HDAC9: variants seen among roughly 807,000 people sequenced by gnomAD.
HDAC9 encodes the protein histone deacetylase 9.
In HDAC9, 41 loss-of-function variants were observed where a neutral mutation model predicts 139.4. That is an observed-to-expected ratio of 0.29 (90% CI 0.23 to 0.38). The LOEUF (loss-of-function observed/expected upper bound fraction) is 0.38. HDAC9 is among the 10% of genes least tolerant of loss of function. The pLI, the probability that HDAC9 is intolerant of heterozygous loss-of-function variation, is 1.00. For synonymous variants in HDAC9, 517 were observed against 476.2 expected, an observed-to-expected ratio of 1.09 and a Z score of -1.12; for missense variants, 1,147 against 1,297.0, an observed-to-expected ratio of 0.88 and a Z score of 1.78.
intron 22 of HDAC9, among the ~76,000 whole-genome samples, chr7:18,883,322 A>G (rs1799871983): frequency 6.6e-6 from 1 of 152,162 alleles, no homozygotes; most frequent in Non-Finnish European, 1.5e-5. Context: ...TCAAAAACAC[A>G]TTAAAAGGTT....
chr7:18,745,922 C>T (rs1368864889), intron 13 of HDAC9, among the ~76,000 whole-genome samples: 1 of 126,194 alleles, frequency 7.9e-6, no homozygotes, highest in East Asian at 2.7e-4. Context: ...TGCAAGTTCT[C>T]ACCCTGTGGC....
chr7:18,308,985 A>G (rs183074110), intron 1 of HDAC9, among the ~76,000 whole-genome samples: 23 of 152,300 alleles, frequency 1.5e-4, no homozygotes, highest in Non-Finnish European at 2.6e-4. Context: ...TGAGAGGAGA[A>G]TTCGTGTCAA....
intron 24 of HDAC9, among the ~76,000 whole-genome samples, chr7:18,973,044 A>G (rs1242201659): frequency 6.6e-6 from 1 of 152,224 alleles, no homozygotes; most frequent in African/African-American, 2.4e-5. Flanking sequence ...GTGCAGAGGA[A>G]GAGGCAATTT....
intron 23 of HDAC9, chr7:18,949,165 A>G (rs1782611543): frequency 3.9e-6 from 1 of 258,986 alleles, no homozygotes; most frequent in Non-Finnish European, 7.5e-6. Flanking sequence ...GTCTGGTTTG[A>G]TTTTTGTGCA....
intron 21 of HDAC9, among the ~76,000 whole-genome samples, chr7:18,850,548 G>A (rs1797211108): frequency 6.6e-6 from 1 of 152,154 alleles, no homozygotes; most frequent in Non-Finnish European, 1.5e-5. Flanking sequence ...TGCATCTATT[G>A]TCATATTGTA....
intron 2 of HDAC9, among the ~76,000 whole-genome samples, chr7:18,278,167 C>G (rs927781636): frequency 6.6e-6 from 1 of 152,174 alleles, no homozygotes; most frequent in African/African-American, 2.4e-5. Flanking sequence ...CATTTAGAAG[C>G]CACATATCAC....
chr7:18,372,404 G>T (rs777038331), intron 1 of HDAC9, among the ~76,000 whole-genome samples: 3 of 152,190 alleles, frequency 2.0e-5, no homozygotes, highest in Admixed American at 6.5e-5. Flanking sequence ...GGCAGGAAGA[G>T]GGTTGAACCA....
intron 1 of HDAC9, among the ~76,000 whole-genome samples, chr7:18,088,613 A>G (rs1039045110): frequency 6.6e-6 from 1 of 152,258 alleles, no homozygotes; most frequent in Non-Finnish European, 1.5e-5. Flanking sequence ...GAAATCAGCA[A>G]TCATGTTTAA....
chr7:18,843,659 G>T (rs1796726653), intron 21 of HDAC9, among the ~76,000 whole-genome samples: 1 of 146,046 alleles, frequency 6.8e-6, no homozygotes, highest in African/African-American at 2.8e-5. Flanking sequence ...GTCATAGAGT[G>T]AATTTTTTTT....
intron 12 of HDAC9, among the ~76,000 whole-genome samples, chr7:18,675,360 C>A (rs1188931246): frequency 6.6e-6 from 1 of 151,942 alleles, no homozygotes; most frequent in Non-Finnish European, 1.5e-5. Flanking sequence ...AGTAAATTAC[C>A]GAATTCTGCC....
intron 2 of HDAC9, among the ~76,000 whole-genome samples, chr7:18,582,712 G>C (rs1405616): frequency 1.3e-5 from 2 of 152,124 alleles, no homozygotes; most frequent in South Asian, 4.1e-4. Context: ...TAAATAATAC[G>C]ACATTGAACT....
intron 6 of HDAC9, among the ~76,000 whole-genome samples, chr7:18,598,630 G>T (rs1388370389): frequency 6.6e-6 from 1 of 152,194 alleles, no homozygotes; most frequent in Non-Finnish European, 1.5e-5. Flanking sequence ...GATTTAAGGA[G>T]TGCTTACTCT....
At chr7:18,870,702 C>A (rs1563007478) in intron 21 of HDAC9, among the ~76,000 whole-genome samples, 4 of 152,106 alleles carry the variant, frequency 2.6e-5, no homozygotes, top group Non-Finnish European at 4.4e-5. Flanking sequence ...GAGACAGGGT[C>A]TTGCTCCGTC....
At chr7:18,809,389 A>C (rs1793993004) in intron 17 of HDAC9, among the ~76,000 whole-genome samples, 1 of 152,026 alleles carries the variant, frequency 6.6e-6, no homozygotes, top group African/African-American at 2.4e-5. Flanking sequence ...AATCGACAAA[A>C]TTAAAAGGCA....
chr7:18,746,643 G>A (rs1290606367), intron 13 of HDAC9, among the ~76,000 whole-genome samples: 1 of 152,144 alleles, frequency 6.6e-6, no homozygotes, highest in Non-Finnish European at 1.5e-5. Context: ...ATTGAGGAAA[G>A]CTTTAGTGGA....
At chr7:18,830,147 T>C (rs1795755742) in intron 19 of HDAC9, among the ~76,000 whole-genome samples, 1 of 152,172 alleles carries the variant, frequency 6.6e-6, no homozygotes, top group South Asian at 2.1e-4. Flanking sequence ...GTCTAACAAA[T>C]GGTTTGTTTA....
In HDAC9 at chr7:18,801,110, G is replaced by A. The variant is rs527786196; in HGVS notation, c.2322+7658G>A. 5.3e-5 allele frequency among the ~76,000 whole-genome samples: 8 copies of A among 151,888 alleles called. No individual in the cohort carries two copies. In the East Asian group the frequency reaches 1.4e-3, roughly 26 times the overall value. Reference sequence around the variant, plus strand: ...CAATAATTATGCCATTTTAAAATTTGTATTTCCTTATTACATGGGCTAAAA... The same window carrying A: ...CAATAATTATGCCATTTTAAAATTTATATTTCCTTATTACATGGGCTAAAA... On this transcript the variant is annotated intron_variant, in intron 17 of 25. Coordinates refer to ENST00000686413, the MANE Select transcript of HDAC9 (RefSeq NM_178425.4).
chr7:18,725,405 A>C (rs1430703675), intron 12 of HDAC9, among the ~76,000 whole-genome samples: 1 of 152,166 alleles, frequency 6.6e-6, no homozygotes, highest in African/African-American at 2.4e-5. Context: ...CTAAGGCTTA[A>C]AATGTAGGTT....
chr7:18,193,827 G>C (rs750449338), intron 2 of HDAC9, among the ~76,000 whole-genome samples: 7 of 152,130 alleles, frequency 4.6e-5, no homozygotes, highest in Non-Finnish European at 8.8e-5. Flanking sequence ...TTCCCACCTT[G>C]TTAGGCTGCT....
Sources: allele counts gnomAD v4.1 joint callset (sites outside exome capture counted in the v4.1 genomes callset), GRCh38; gene constraint gnomAD v4.1.1; transcripts MANE v1.5; gene names NCBI Gene and HGNC (gene_info 2026-07-23, HGNC 2026-07-21).